The following SREBF1 variants were observed in gnomAD, a reference collection of about 807,000 sequenced individuals.
The protein encoded by SREBF1 is sterol regulatory element-binding protein 1.
Under a neutral mutation model 100.1 loss-of-function variants are expected in SREBF1, and 45 were observed. The observed-to-expected ratio is 0.45, with a 90% confidence interval of 0.35 to 0.58. The LOEUF is 0.58. SREBF1 is among the 20% of genes least tolerant of loss of function. The probability of loss-of-function intolerance (pLI) is 0.00; values close to 1 mark genes in which losing one functional copy is unlikely to be tolerated. For synonymous variants in SREBF1, 657 were observed against 681.8 expected (o/e 0.96, Z 0.57); for missense variants, 1,324 against 1,539.4 (o/e 0.86, Z 2.34).
At chr17:17,818,985 G>T in intron 5 of SREBF1, 28 bp downstream of exon 5, 8 of 1,606,798 alleles carry the variant, frequency 5.0e-6, no homozygotes, top group Non-Finnish European at 6.8e-6. Context: ...GGACACCCCG[G>T]TCTGTGCCCC....
Position 17,817,396 on chromosome 17 carries a change from G to A in SREBF1, c.1466C>T (p.Ala489Val), listed in dbSNP as rs1282191096. The A allele has an allele frequency of 6.2e-7, 1 of 1,604,610 alleles. No individual in the cohort carries two copies. Among genetic ancestry groups the A allele is most frequent in the Non-Finnish European group, 8.5e-7 (1 of 1,176,112 alleles). The change falls in exon 8 of 19, where the codon GCC becomes GTC. Residue 489 changes from alanine (A) to valine (V), a missense_variant. Coordinates refer to ENST00000261646, the MANE Select transcript of SREBF1 (RefSeq NM_004176.5). The surrounding 1 kb of genome is among the most constrained non-coding windows in gnomAD (Gnocchi z 6.6). ...GCAGAGGAAGACGAGCGTGCACAGG[G>A]CCAGGCGGGAGCGGTCCAGCATGCC... ...SRGMLDRSRL[A>V]LCTLVFLCLS...
Position 17,819,613 on chromosome 17 carries a change from C to T in SREBF1, c.636G>A (p.Gln212=). ...HTQVQSVVPQ[Q]LLTVTAAPTA... is the part of the protein sequence containing the mutation. ...TGGGGGCAGCTGTGACTGTCAGTAG[C>T]TGCTGGGGGACCACACTCTGGACCT... Residue 212 remains glutamine, a synonymous_variant, in exon 3 of 19, where the codon CAG becomes CAA. Coordinates refer to ENST00000261646, the MANE Select transcript of SREBF1 (RefSeq NM_004176.5). 6.2e-7 allele frequency: 1 copy of T among 1,613,534 alleles called. No homozygotes were observed.
intron 1 of SREBF1, among the ~76,000 whole-genome samples, chr17:17,826,256 G>C (rs966127485): frequency 3.3e-5 from 5 of 151,822 alleles, no homozygotes; most frequent in Non-Finnish European, 5.9e-5. Context: ...TATTCACGTT[G>C]GAGCTCCATT....
rs2034365447 is a variant in SREBF1, at chr17:17,824,626, CAGTTGATTTTGCAGCCAAGT to C, written c.92-4125_92-4106del. On this transcript the variant is annotated intron_variant, in intron 1 of 18. Transcript: ENST00000261646. This position sits in a 1 kb window ranked among gnomAD's most constrained non-coding sequence, Gnocchi z 4.2. ...ACACACAAAGTGATCAGAGCCTGGC[CAGTTGATTTTGCAGCCAAGT>C]AGACCACCAGCAAAGCCTGCCTCTG... 6.6e-6 allele frequency among the ~76,000 whole-genome samples: 1 copy of C among 152,156 alleles called. No individual in the cohort carries two copies. Among genetic ancestry groups the C allele is most frequent in the South Asian group, 2.1e-4 (1 of 4,832 alleles).
At position 17,816,958 on chromosome 17, in the gene SREBF1, C is replaced by T. The variant is rs1376871014; in HGVS notation, c.1785G>A (p.Arg595=). 4 of 1,612,900 alleles carry T rather than the reference C, an allele frequency of 2.5e-6. No individual in the cohort carries two copies. Among genetic ancestry groups the T allele is most frequent in the Non-Finnish European group, 3.4e-6 (4 of 1,180,022 alleles). The stretch of plus-strand genomic sequence containing the variant: ...CACTCTGCCGGGGCCAGCCCCTTAC[C>T]CGGGCCAGGTCCAGGTCAGCCTGCT... ...HRKQADLDLA[R]GDFAQAAQQL... is the part of the protein sequence containing the mutation. The change falls in exon 9 of 19, where the codon CGG becomes CGA. Residue 595 remains arginine, a splice_region_variant and synonymous_variant. Coordinates refer to ENST00000261646, the MANE Select transcript of SREBF1 (RefSeq NM_004176.5).
rs2032859343 is a variant in SREBF1, at chr17:17,811,652, T to C, written c.*970A>G. 2.2e-6 allele frequency: 1 copy of C among 446,432 alleles called. No individual in the cohort carries two copies. The highest frequency in any genetic ancestry group is 4.5e-6 in the Non-Finnish European group (1 of 223,384). 27.7% of individuals were successfully genotyped at this position (446,432 alleles called of 1,614,324 possible). ...CAGGTCGGGAGGGAGGAGGCTTCTTTGCTGTGAGATGACCAGGGGCCGGGA... is the reference window on the plus strand; with the variant it reads ...CAGGTCGGGAGGGAGGAGGCTTCTTCGCTGTGAGATGACCAGGGGCCGGGA... On this transcript the variant is annotated 3_prime_UTR_variant, in exon 19 of 19. Transcript: ENST00000261646.
Position 17,817,422 on chromosome 17 carries a change from C to G in SREBF1, c.1440G>C (p.Arg480=). 1 of 1,595,612 alleles carries G rather than the reference C, an allele frequency of 6.3e-7. No homozygotes were observed. Among genetic ancestry groups the G allele is most frequent in the Non-Finnish European group, 8.5e-7 (1 of 1,171,148 alleles). ...KPEQRPSLHS[R]GMLDRSRLAL... ...CCAGGCGGGAGCGGTCCAGCATGCCCCGGCTGTGCAGAGACGGCCGCTGCT... is the reference window on the plus strand; with the variant it reads ...CCAGGCGGGAGCGGTCCAGCATGCCGCGGCTGTGCAGAGACGGCCGCTGCT... The change falls in exon 8 of 19, where the codon CGG becomes CGC. Residue 480 remains arginine (R), a synonymous_variant. Coordinates refer to ENST00000261646, the MANE Select transcript of SREBF1 (RefSeq NM_004176.5). The surrounding 1 kb of genome is among the most constrained non-coding windows in gnomAD (Gnocchi z 6.6).
At chr17:17,818,611 C>T in intron 5 of SREBF1, 1 of 571,732 alleles carries the variant, frequency 1.7e-6, no homozygotes, top group Non-Finnish European at 3.2e-6. Flanking sequence ...TGCTGCTGTG[C>T]CTGCCGCCAT....
chr17:17,828,072 G>A lies in SREBF1; in HGVS notation c.92-7551C>T, dbSNP rs567648501. Among the ~76,000 whole-genome samples the A allele has an allele frequency of 1.2e-4, 18 of 152,328 alleles. No individual in the cohort carries two copies. The South Asian group carries it at 1.5e-3, about 12-fold the overall frequency. ...TGACCCCAGCCTCACCCAGCACAGG[G>A]CTGACCACAGCAGGGACCCCAGTCA... On this transcript the variant is annotated intron_variant, in intron 1 of 18. Transcript: ENST00000261646.
rs776724133 is a variant in SREBF1 at position 17,817,730 on chromosome 17, G to A, written c.1370C>T (p.Ser457Leu). 10 of 1,613,332 alleles carry A rather than the reference G, an allele frequency of 6.2e-6. No individual in the cohort carries two copies. Among genetic ancestry groups the A allele is most frequent in the Middle Eastern group, 1.6e-4 (1 of 6,084 alleles). Residue 457 changes from serine (S) to leucine (L), a missense_variant, in exon 7 of 19, where the codon TCG becomes TTG. Physicochemically the swap from Ser to Leu is moderately radical, Grantham distance 145. Coordinates refer to ENST00000261646, the MANE Select transcript of SREBF1 (RefSeq NM_004176.5). This position sits in a 1 kb window ranked among gnomAD's most constrained non-coding sequence, Gnocchi z 6.6. ...GSGSGGSGSD[S>L]EPDSPVFEDS... is the part of the protein sequence containing the mutation. ...CTCAAAGACTGGGCTGTCAGGCTCCGAGTCACTGCCACTGCCACCGCTGCC... is the reference window on the plus strand; with the variant it reads ...CTCAAAGACTGGGCTGTCAGGCTCCAAGTCACTGCCACTGCCACCGCTGCC...
chr17:17,825,299 T>G (rs548339709), intron 1 of SREBF1, among the ~76,000 whole-genome samples: 4 of 152,172 alleles, frequency 2.6e-5, no homozygotes, highest in Non-Finnish European at 5.9e-5. Flanking sequence ...CTCATCTTCC[T>G]GCTCTAACCC....
rs747625180 is a variant in SREBF1, at chr17:17,816,529, G to T, written c.1975C>A (p.Arg659=). ...AGGLQQDCAL[R]VDASASARDA... ...CGGGCGCTGGCGCTAGCATCCACTC[G>T]CAGAGCACAGTCCTGCTGCAGGCCC... is the stretch of plus-strand genomic sequence containing the variant. Residue 659 remains arginine (R), a synonymous_variant, in exon 10 of 19, where the codon CGA becomes AGA. Coordinates refer to ENST00000261646, the MANE Select transcript of SREBF1 (RefSeq NM_004176.5). 91 of 1,602,580 alleles carry T rather than the reference G, an allele frequency of 5.7e-5. No individual in the cohort carries two copies. The highest frequency in any genetic ancestry group is 1.1e-4 in the East Asian group (5 of 44,428).
At position 17,814,425 on chromosome 17, in the gene SREBF1, G is replaced by A. The variant is rs1478671629; in HGVS notation, c.2736-15C>T. On this transcript the variant is annotated splice_polypyrimidine_tract_variant and intron_variant, in intron 15 of 18. Transcript: ENST00000261646. ...GCAGGGGTCTCCTGTTGGGACCAGG[G>A]CAGAAGAGTGCCAGTCAGACCAGTC... The A allele has an allele frequency of 6.4e-7, 1 of 1,551,882 alleles. No homozygotes were observed. Among genetic ancestry groups the A allele is most frequent in the Non-Finnish European group, 8.7e-7 (1 of 1,148,186 alleles).
In SREBF1 at chr17:17,816,494, G is replaced by A. The variant is rs776609977; in HGVS notation, c.2010C>T (p.Ala670=). ...GCTGGTGCAGCTTATGGTAGACCAG[G>A]GCTGCGTCTCGGGCGCTGGCGCTAG... ...VDASASARDA[A]LVYHKLHQLH... The change falls in exon 10 of 19, where the codon GCC becomes GCT. Residue 670 remains alanine (A), a synonymous_variant. Transcript: ENST00000261646. 86 of 1,605,202 alleles carry A rather than the reference G, an allele frequency of 5.4e-5. No individual in the cohort carries two copies. Among genetic ancestry groups the A allele is most frequent in the Non-Finnish European group, 6.7e-5 (79 of 1,176,822 alleles).
chr17:17,836,881 GCGCCGCCGCGGCCCCGGCTCTCAGT>G lies in SREBF1; in HGVS notation c.-89_-65del, dbSNP rs1568001167. The stretch of plus-strand genomic sequence containing the variant: ...CGCCTCGTACGGCCCTTCCTAGGGA[GCGCCGCCGCGGCCCCGGCTCTCAGT>G]CGCCGCCGCCGCTCCGCGCGTTCGT... On this transcript the variant is annotated 5_prime_UTR_variant, in exon 1 of 19. Coordinates refer to ENST00000261646, the MANE Select transcript of SREBF1 (RefSeq NM_004176.5). 1.4e-5 allele frequency: 19 copies of G among 1,405,274 alleles called. No individual in the cohort carries two copies. Among genetic ancestry groups the G allele is most frequent in the Non-Finnish European group, 1.6e-5 (17 of 1,073,522 alleles). 87.1% of individuals were successfully genotyped at this position (1,405,274 alleles called of 1,614,324 possible). A position where few individuals can be genotyped will look rare whatever the true frequency, so the allele number is the denominator to read the frequency against.
rs13306737 is a variant in SREBF1, at chr17:17,817,969, A to C, written c.1184-53T>G. ...AGTAAAGGCTGGATATGTGACCCCA[A>C]ATCAGAGCCTAGGCCCTTGGAGGCC... On this transcript the variant is annotated intron_variant, in intron 6 of 18. Transcript: ENST00000261646. The surrounding 1 kb of genome is among the most constrained non-coding windows in gnomAD (Gnocchi z 6.6). 6.8e-3 allele frequency: 10,561 copies of C among 1,558,332 alleles called. 138 individuals carry two copies. The highest frequency in any genetic ancestry group is 0.031 in the South Asian group (2,835 of 90,222).
intron 1 of SREBF1, 90 bp from the exon 2 acceptor site, chr17:17,820,611 C>A: frequency 1.4e-6 from 2 of 1,397,658 alleles, no homozygotes; most frequent in East Asian, 4.7e-5. Flanking sequence ...CTTATTTGCA[C>A]AACCCTTGTT....
At chr17:17,822,534 G>A (rs2034172983) in intron 1 of SREBF1, among the ~76,000 whole-genome samples, 2 of 152,356 alleles carry the variant, frequency 1.3e-5, no homozygotes, top group South Asian at 4.1e-4. Flanking sequence ...CTCTCCCCCA[G>A]CTGGTGACTA....
At chr17:17,813,934 C>T in intron 16 of SREBF1, 165 bp from the exon 17 acceptor site, 1 of 788,952 alleles carries the variant, frequency 1.3e-6, no homozygotes, top group Non-Finnish European at 2.0e-6. Flanking sequence ...CCGCCCGCCT[C>T]TCTCGGCCCC....
Sources: allele counts gnomAD v4.1 joint callset (sites outside exome capture counted in the v4.1 genomes callset), GRCh38; gene constraint gnomAD v4.1.1; non-coding constraint Gnocchi (gnomAD v3.1); transcripts MANE v1.5; gene names NCBI Gene and HGNC (gene_info 2026-07-23, HGNC 2026-07-21).